Variants in PCDHGA5 observed in about 807,000 individuals in gnomAD.
The protein encoded by PCDHGA5 is protocadherin gamma subfamily A, 5.
PCDHGA5 carries 36 observed loss-of-function variants against 56.7 expected under a neutral mutation model. The ratio of observed to expected loss-of-function variants is 0.64; its 90% confidence interval spans 0.49 to 0.84. The LOEUF is 0.84. Ranked by LOEUF, PCDHGA5 falls within the 40% of genes least tolerant of loss-of-function variation. The probability of loss-of-function intolerance (pLI) is 0.00; values close to 1 mark genes in which losing one functional copy is unlikely to be tolerated. For missense variants in PCDHGA5, 1,305 were observed against 1,201.5 expected (o/e 1.09, Z -1.27); for synonymous variants, 563 against 520.2 (o/e 1.08, Z -1.12).
chr5:141,367,803 T>C (rs760615921), intron 1 of PCDHGA5: 4 of 152,152 alleles, frequency 2.6e-5, no homozygotes, highest in African/African-American at 7.2e-5. Flanking sequence ...TCTTCTGTTA[T>C]AGATAAACCC....
rs758405089 is a variant in PCDHGA5 at position 141,383,617 on chromosome 5, C to T, written c.2421+16866C>T. 5.1e-5 allele frequency: 82 copies of T among 1,613,734 alleles called. No homozygotes were observed. The Admixed American group carries it at 9.0e-4, about 18-fold the overall frequency. On this transcript the variant is annotated intron_variant, in intron 1 of 3. Coordinates refer to ENST00000518069, the MANE Select transcript of PCDHGA5 (RefSeq NM_018918.3). ...AGTGGTGGATGTGAATGACCACACG[C>T]CTGTCTTCTCTCTGCCTCAGTACCA...
rs17097211 is a variant in PCDHGA5 at position 141,423,498 on chromosome 5, G to A, written c.2421+56747G>A. 9.4e-4 allele frequency: 1,510 copies of A among 1,613,948 alleles called. 9 individuals are homozygous for A. In the African/African-American group the frequency reaches 0.016, roughly 17 times the overall value. ...CTTTCCTGCAAACCTATTCCCACGA[G>A]GTCTCTCTCATTGCGGACTCGCAGA... On this transcript the variant is annotated intron_variant, in intron 1 of 3. Transcript: ENST00000518069.
intron 1 of PCDHGA5, among the ~76,000 whole-genome samples, chr5:141,407,220 A>G (rs569421185): frequency 6.6e-6 from 1 of 152,342 alleles, no homozygotes; most frequent in East Asian, 1.9e-4. Context: ...TTAAGTGGGT[A>G]GCAAAAAAAA....
chr5:141,411,969 T>G (rs2095526864), intron 1 of PCDHGA5: 1 of 152,258 alleles, frequency 6.6e-6, no homozygotes, highest in Non-Finnish European at 1.5e-5. Context: ...ATAAAATCTT[T>G]GAAGAGTTCT....
At chr5:141,418,436 G>A in intron 1 of PCDHGA5, 1 of 1,614,000 alleles carries the variant, frequency 6.2e-7, no homozygotes. Flanking sequence ...CAAATATCCA[G>A]AATTAGTATT....
At chr5:141,422,287 A>G in intron 1 of PCDHGA5, 3 of 1,553,500 alleles carry the variant, frequency 1.9e-6, no homozygotes, top group South Asian at 1.3e-5. Context: ...CACCTCTTCT[A>G]TTAATTCAAT....
chr5:141,482,514 G>A (rs2099563611), intron 1 of PCDHGA5, among the ~76,000 whole-genome samples: 1 of 130,122 alleles, frequency 7.7e-6, no homozygotes. Flanking sequence ...CCAGAGTACA[G>A]TATGAGACAG....
intron 1 of PCDHGA5, chr5:141,423,599 C>T (rs1185412610): frequency 6.2e-7 from 1 of 1,612,844 alleles, no homozygotes; most frequent in Non-Finnish European, 8.5e-7. Context: ...AAAAGCGAGC[C>T]ACTCTTGATA....
At chr5:141,395,379 C>A in intron 1 of PCDHGA5, 1 of 1,139,610 alleles carries the variant, frequency 8.8e-7, no homozygotes, top group Non-Finnish European at 1.2e-6. Flanking sequence ...GGTGGTGTTA[C>A]TATAAAATTG....
At chr5:141,410,767 G>T in intron 1 of PCDHGA5, 6 of 942,270 alleles carry the variant, frequency 6.4e-6, no homozygotes, top group South Asian at 2.2e-5. Context: ...TTCAATTATA[G>T]TTTTCACTAT....
rs762476625 is a variant in PCDHGA5 at position 141,420,218 on chromosome 5, C to A, written c.2421+53467C>A. On this transcript the variant is annotated intron_variant, in intron 1 of 3. Coordinates refer to ENST00000518069, the MANE Select transcript of PCDHGA5 (RefSeq NM_018918.3). The stretch of plus-strand genomic sequence containing the variant: ...AGATAACCTCAACAAAGATAGCATG[C>A]TACTGGCTAGCATTTTAACTCCCAG... 4 of 1,608,408 alleles carry A rather than the reference C, an allele frequency of 2.5e-6. No individual in the cohort carries two copies. In the South Asian group the frequency reaches 4.4e-5, roughly 18 times the overall value.
At chr5:141,372,149 C>T in intron 1 of PCDHGA5, 2 of 1,613,782 alleles carry the variant, frequency 1.2e-6, no homozygotes, top group Non-Finnish European at 1.7e-6. Context: ...CAGAGCCTGG[C>T]TACCTGGTGA....
rs149553852 is a variant in PCDHGA5 at position 141,415,009 on chromosome 5, C to G, written c.2421+48258C>G. 3.1e-6 allele frequency: 5 copies of G among 1,613,544 alleles called. No homozygotes were observed. The East Asian group carries it at 1.1e-4, about 36-fold the overall frequency. On this transcript the variant is annotated intron_variant, in intron 1 of 3. Transcript: ENST00000518069. The stretch of plus-strand genomic sequence containing the variant: ...CCAGAACGCCTGGCTGTCCTACCGT[C>G]TGCTCAAGGCCAGCGAGCCGGGACT...
At chr5:141,451,036 G>T (rs973806381) in intron 1 of PCDHGA5, among the ~76,000 whole-genome samples, 1 of 150,880 alleles carries the variant, frequency 6.6e-6, no homozygotes, top group Non-Finnish European at 1.5e-5. Flanking sequence ...CACCATATTG[G>T]CCAGGCTGGT....
intron 1 of PCDHGA5, chr5:141,421,335 G>A (rs2096564985): frequency 1.2e-6 from 2 of 1,613,944 alleles, no homozygotes; most frequent in Non-Finnish European, 8.5e-7. Context: ...GATATTCGGT[G>A]CCAGAAGAGA....
rs374134053 is a variant in PCDHGA5, at chr5:141,389,297, A to T, written c.2421+22546A>T. ...ACCCGCCTGGAGCCTCTATTTCACA[A>T]GTCAGGGCTTCTGATCCGGACTTGG... On this transcript the variant is annotated intron_variant, in intron 1 of 3. Coordinates refer to ENST00000518069, the MANE Select transcript of PCDHGA5 (RefSeq NM_018918.3). 6.2e-6 allele frequency: 10 copies of T among 1,613,860 alleles called. No individual in the cohort carries two copies. In the African/African-American group the frequency reaches 1.3e-4, roughly 22 times the overall value.
At position 141,490,938 on chromosome 5, in the gene PCDHGA5, C is replaced by T. The variant is rs2099706179; in HGVS notation, c.2422-3869C>T. ...ATGATAATGCCCCAGCTGTGCTGCA[C>T]CCACGGCCAGACTGGGAACACTCAG... On this transcript the variant is annotated intron_variant, in intron 1 of 3. Coordinates refer to ENST00000518069, the MANE Select transcript of PCDHGA5 (RefSeq NM_018918.3). This position sits in a 1 kb window ranked among gnomAD's most constrained non-coding sequence, Gnocchi z 5.4. 6.2e-7 allele frequency: 1 copy of T among 1,613,554 alleles called. No homozygotes were observed. Among genetic ancestry groups the T allele is most frequent in the African/African-American group, 1.3e-5 (1 of 74,934 alleles).
At chr5:141,372,431 C>G in intron 1 of PCDHGA5, 3 of 1,614,052 alleles carry the variant, frequency 1.9e-6, no homozygotes, top group Non-Finnish European at 2.5e-6. Context: ...GCGACCGCCC[C>G]ACTCCCTCTG....
Position 141,477,554 on chromosome 5 carries a change from A to T in PCDHGA5, c.2422-17253A>T. The T allele has an allele frequency of 6.2e-7, 1 of 1,614,112 alleles. No homozygotes were observed. Among genetic ancestry groups the T allele is most frequent in the South Asian group, 1.1e-5 (1 of 91,086 alleles). Reference sequence around the variant, plus strand: ...CCCCGGGGCTCCAATACTAAACCTAAGTGTCTGGGACCCCGACGCCCCGCA... The same window carrying T: ...CCCCGGGGCTCCAATACTAAACCTATGTGTCTGGGACCCCGACGCCCCGCA... On this transcript the variant is annotated intron_variant, in intron 1 of 3. Transcript: ENST00000518069. This position sits in a 1 kb window ranked among gnomAD's most constrained non-coding sequence, Gnocchi z 4.9.
Sources: allele counts gnomAD v4.1 joint callset (sites outside exome capture counted in the v4.1 genomes callset), GRCh38; gene constraint gnomAD v4.1.1; non-coding constraint Gnocchi (gnomAD v3.1); transcripts MANE v1.5; gene names NCBI Gene and HGNC (gene_info 2026-07-23, HGNC 2026-07-21).